The following GAS2 variants were observed in gnomAD, a reference collection of about 807,000 sequenced individuals.
GAS2 encodes the protein growth arrest-specific protein 2.
A neutral mutation model predicts 37.5 loss-of-function variants in GAS2; 20 were observed. That is an observed-to-expected ratio of 0.53 (90% CI 0.37 to 0.77). The LOEUF (loss-of-function observed/expected upper bound fraction) is 0.77, where lower values mean the gene tolerates loss of function less well. Among genes scored for constraint, GAS2 ranks in the 30% least tolerant of loss-of-function variants. The pLI, the probability that GAS2 is intolerant of heterozygous loss-of-function variation, is 0.00. For synonymous variants in GAS2, 144 were observed against 132.2 expected (o/e 1.09, Z -0.61); for missense variants, 336 against 373.4 (o/e 0.90, Z 0.82).
At chr11:22,668,214 T>A (rs1319822090) in intron 1 of GAS2, 2 of 152,304 alleles carry the variant, frequency 1.3e-5, no homozygotes, top group Non-Finnish European at 2.9e-5. Flanking sequence ...TTGCCCAGCC[T>A]GTCTTTGATA....
chr11:22,760,926 T>G (rs1415151804), intron 7 of GAS2, among the ~76,000 whole-genome samples: 1 of 152,180 alleles, frequency 6.6e-6, no homozygotes, highest in Non-Finnish European at 1.5e-5. Flanking sequence ...TGAATCGCCC[T>G]TTTGCTGAGC....
At chr11:22,720,486 GAT>G (rs1170465702) in intron 3 of GAS2, among the ~76,000 whole-genome samples, 3 of 151,914 alleles carry the variant, frequency 2.0e-5, no homozygotes, top group Non-Finnish European at 4.4e-5. Context: ...GTTATAGTTA[GAT>G]ACCTTGATAC....
intron 5 of GAS2, among the ~76,000 whole-genome samples, chr11:22,738,704 A>G (rs1181667044): frequency 1.3e-5 from 2 of 152,316 alleles, no homozygotes; most frequent in Non-Finnish European, 2.9e-5. Context: ...GCAATTTACA[A>G]CTTGGCTAGA....
intron 7 of GAS2, among the ~76,000 whole-genome samples, chr11:22,801,446 G>C (rs964389942): frequency 8.2e-6 from 1 of 121,950 alleles, no homozygotes; most frequent in East Asian, 4.3e-4. Context: ...GGGGGCATGG[G>C]ATAGTTTTTT....
intron 3 of GAS2, among the ~76,000 whole-genome samples, chr11:22,686,451 C>T (rs890354738): frequency 2.6e-5 from 4 of 151,280 alleles, no homozygotes; most frequent in Non-Finnish European, 5.9e-5. Flanking sequence ...CATGGTGGCT[C>T]ATGCCTGTAA....
In GAS2 at chr11:22,755,845, G is replaced by A; in HGVS notation, c.616-1G>A. 2 of 1,610,918 alleles carry A rather than the reference G, an allele frequency of 1.2e-6. No homozygotes were observed. The highest frequency in any genetic ancestry group is 1.7e-6 in the Non-Finnish European group (2 of 1,177,618). On this transcript the variant is annotated splice_acceptor_variant, in intron 6 of 7. Coordinates refer to ENST00000454584, the MANE Select transcript of GAS2 (RefSeq NM_001143830.3). LOFTEE classifies it high-confidence loss of function. ...TGAATGTGCCTGCTCTTCTATTTCAGGTGAAACGAATTTCTGAAGATCCTC... is the reference window on the plus strand; with the variant it reads ...TGAATGTGCCTGCTCTTCTATTTCAAGTGAAACGAATTTCTGAAGATCCTC...
intron 3 of GAS2, chr11:22,702,613 T>TA (rs1409789544): frequency 2.6e-5 from 4 of 152,132 alleles, no homozygotes; most frequent in African/African-American, 9.7e-5. Flanking sequence ...GAGGGTAAAA[T>TA]AAAATCTATC....
Position 22,769,827 on chromosome 11 carries a change from A to G in GAS2, c.723+13874A>G, listed in dbSNP as rs11026781. ...GCTACATAAATTACATTTTTTAATT[A>G]CAACCAAAGAAAGTGGTAGAGTAGA... On this transcript the variant is annotated intron_variant, in intron 7 of 7. Coordinates refer to ENST00000454584, the MANE Select transcript of GAS2 (RefSeq NM_001143830.3). Among the ~76,000 whole-genome samples, 367 of 152,358 alleles carry G rather than the reference A, an allele frequency of 2.4e-3. 11 individuals are homozygous for G. The East Asian group carries it at 0.061, about 25-fold the overall frequency.
intron 1 of GAS2, among the ~76,000 whole-genome samples, chr11:22,638,117 C>T (rs1858862160): frequency 1.3e-5 from 2 of 152,010 alleles, no homozygotes; most frequent in Admixed American, 1.3e-4. Context: ...TATACATCTT[C>T]CCATGTCTTC....
chr11:22,652,507 C>T (rs1314964662), intron 1 of GAS2, among the ~76,000 whole-genome samples: 3 of 152,222 alleles, frequency 2.0e-5, no homozygotes, highest in Non-Finnish European at 4.4e-5. Flanking sequence ...ATGGCGGGCG[C>T]CCCTTCCCCA....
At chr11:22,685,547 A>T in intron 2 of GAS2, 121 bp from the exon 3 acceptor site, 3 of 983,236 alleles carry the variant, frequency 3.1e-6, no homozygotes, top group South Asian at 3.6e-5. Flanking sequence ...GTAAGCTCCT[A>T]TCCCAGTTAT....
intron 7 of GAS2, among the ~76,000 whole-genome samples, chr11:22,797,364 C>T (rs572839759): frequency 2.3e-4 from 35 of 152,172 alleles, no homozygotes; most frequent in African/African-American, 7.9e-4. Flanking sequence ...CCTCCCCCAC[C>T]AGAGGGAAAC....
At chr11:22,640,633 C>T (rs1388450655) in intron 1 of GAS2, among the ~76,000 whole-genome samples, 2 of 152,134 alleles carry the variant, frequency 1.3e-5, no homozygotes, top group Admixed American at 1.3e-4. Flanking sequence ...AAATTACATT[C>T]ATGAAGCAAG....
rs760783762 is a variant in GAS2 at position 22,654,301 on chromosome 11, AT to A, written c.-20-20544del. Among the ~76,000 whole-genome samples the A allele has an allele frequency of 4.1e-4, 62 of 152,242 alleles. 1 individual carries two copies. Among genetic ancestry groups the A allele is most frequent in the Non-Finnish European group, 7.1e-4 (48 of 68,020 alleles). ...CATTATCACTTAATGGTACAGGGAT[AT>A]TTTTAAACCCCTCTAGTTGAAATTA... On this transcript the variant is annotated intron_variant, in intron 1 of 5. Coordinates refer to the GAS2 transcript ENST00000528582.
At chr11:22,721,017 G>A (rs1436110857) in intron 3 of GAS2, among the ~76,000 whole-genome samples, 1 of 152,026 alleles carries the variant, frequency 6.6e-6, no homozygotes, top group African/African-American at 2.4e-5. Flanking sequence ...GAAAGTGTAG[G>A]AGCACAAGAG....
chr11:22,696,775 C>G (rs1328708888), intron 3 of GAS2, among the ~76,000 whole-genome samples: 1 of 151,940 alleles, frequency 6.6e-6, no homozygotes, highest in Non-Finnish European at 1.5e-5. Flanking sequence ...CCTTCACCCA[C>G]TTTTTGATGG....
chr11:22,691,210 G>C (rs1283187018), intron 3 of GAS2, among the ~76,000 whole-genome samples: 2 of 152,170 alleles, frequency 1.3e-5, no homozygotes, highest in East Asian at 3.8e-4. Flanking sequence ...GTAGAATCCA[G>C]TCCTTGTTCA....
intron 1 of GAS2, among the ~76,000 whole-genome samples, chr11:22,656,098 T>C (rs1848851575): frequency 6.6e-6 from 1 of 152,222 alleles, no homozygotes; most frequent in African/African-American, 2.4e-5. Flanking sequence ...CTAAAATGTT[T>C]TAAAACAAAT....
At chr11:22,674,145 A>C (rs966914391) in intron 1 of GAS2, among the ~76,000 whole-genome samples, 4 of 152,128 alleles carry the variant, frequency 2.6e-5, no homozygotes, top group Non-Finnish European at 4.4e-5. Context: ...ATGAAGACTC[A>C]GGTTCAAGCC....
Sources: allele counts gnomAD v4.1 joint callset (sites outside exome capture counted in the v4.1 genomes callset), GRCh38; gene constraint gnomAD v4.1.1; transcripts MANE v1.5; gene names NCBI Gene and HGNC (gene_info 2026-07-23, HGNC 2026-07-21).